RRM1: variants seen among roughly 807,000 people sequenced by gnomAD.
RRM1 encodes ribonucleoside-diphosphate reductase large subunit.
In RRM1, 19 loss-of-function variants were observed where a neutral mutation model predicts 101.5. The ratio of observed to expected loss-of-function variants is 0.19; its 90% CI spans 0.13 to 0.27. The LOEUF (loss-of-function observed/expected upper bound fraction) is 0.27. Ranked by LOEUF, RRM1 falls within the 10% of genes least tolerant of loss-of-function variation. The pLI, the probability that RRM1 is intolerant of heterozygous loss-of-function variation, is 1.00. For missense variants in RRM1, 500 were observed against 962.9 expected (o/e 0.52, Z 6.36); for synonymous variants, 298 against 323.4 (o/e 0.92, Z 0.84).
chr11:4,118,999 T>C (rs54816), intron 8 of RRM1: 72,526 of 152,158 alleles, frequency 0.48, 18,432 homozygotes, highest in Non-Finnish European at 0.58. Flanking sequence ...CACTTTATGA[T>C]GTAAACTTTA....
chr11:4,098,119 A>C (rs2094546100), intron 1 of RRM1, among the ~76,000 whole-genome samples: 2 of 152,232 alleles, frequency 1.3e-5, no homozygotes, highest in African/African-American at 4.8e-5. Flanking sequence ...AAAACTTTGG[A>C]TTGTAACTCA....
intron 3 of RRM1, 59 bp downstream of exon 3, chr11:4,106,282 A>C (rs760934947): frequency 5.0e-6 from 7 of 1,393,380 alleles, no homozygotes; most frequent in Non-Finnish European, 7.0e-6. Flanking sequence ...TAAGGGTACT[A>C]GAAATAAATC....
At chr11:4,125,113 C>G (rs2094587541) in intron 12 of RRM1, among the ~76,000 whole-genome samples, 1 of 152,040 alleles carries the variant, frequency 6.6e-6, no homozygotes, top group African/African-American at 2.4e-5. Context: ...CGAGGTTTCA[C>G]TATGTTGGCC....
At chr11:4,103,580 T>C (rs895292504) in intron 2 of RRM1, among the ~76,000 whole-genome samples, 1 of 152,048 alleles carries the variant, frequency 6.6e-6, no homozygotes, top group African/African-American at 2.4e-5. Context: ...TCGGTGCACA[T>C]CTGTAATCCC....
intron 3 of RRM1, among the ~76,000 whole-genome samples, chr11:4,106,569 A>C (rs1219306563): frequency 3.9e-5 from 6 of 152,172 alleles, no homozygotes; most frequent in Non-Finnish European, 8.8e-5. Context: ...CAACATGGCG[A>C]AACCCTTTCT....
At chr11:4,110,922 G>A (rs906536473) in intron 5 of RRM1, among the ~76,000 whole-genome samples, 1 of 152,104 alleles carries the variant, frequency 6.6e-6, no homozygotes, top group African/African-American at 2.4e-5. Flanking sequence ...TGTAACGAGT[G>A]TATATGTTGC....
intron 2 of RRM1, among the ~76,000 whole-genome samples, chr11:4,105,243 T>C (rs2094556692): frequency 6.6e-6 from 1 of 152,182 alleles, no homozygotes; most frequent in African/African-American, 2.4e-5. Context: ...TGTTCTTTGT[T>C]TGAGACAGGG....
intron 7 of RRM1, among the ~76,000 whole-genome samples, chr11:4,117,337 A>G (rs774032757): frequency 6.6e-6 from 1 of 152,242 alleles, no homozygotes; most frequent in Non-Finnish European, 1.5e-5. Context: ...GTTGTGTTCA[A>G]GAATTTTTAT....
At chr11:4,097,192 A>T (rs2094544802) in intron 1 of RRM1, among the ~76,000 whole-genome samples, 1 of 148,012 alleles carries the variant, frequency 6.8e-6, no homozygotes, top group South Asian at 2.3e-4. Context: ...AGGCTGAGGC[A>T]GGAGAATCGC....
rs1027406941 is a variant in RRM1, at chr11:4,094,919, T to C, written c.-94T>C. ...TTTCCCCTGAGCAGCGCCTGGAACC[T>C]AACCCTTCCCACTCTGTCACCTTCT... On this transcript the variant is annotated 5_prime_UTR_variant, in exon 1 of 19. Coordinates refer to ENST00000300738, the MANE Select transcript of RRM1 (RefSeq NM_001033.5). 2.9e-6 allele frequency: 4 copies of C among 1,371,580 alleles called. No individual in the cohort carries two copies. In the African/African-American group the frequency reaches 4.3e-5, roughly 15 times the overall value. 85.0% of individuals were successfully genotyped at this position (1,371,580 alleles called of 1,614,324 possible). A position where few individuals can be genotyped will look rare whatever the true frequency, so the allele number is the denominator to read the frequency against.
At chr11:4,133,517 G>T in intron 16 of RRM1, 46 bp from the exon 17 acceptor site, 1 of 1,192,124 alleles carries the variant, frequency 8.4e-7, no homozygotes, top group Non-Finnish European at 1.2e-6. Context: ...TTTCTAAGCA[G>T]TCACTGTTAT....
chr11:4,111,983 A>T lies in RRM1; in HGVS notation c.571A>T (p.Asn191Tyr). 1 of 1,614,030 alleles carries T rather than the reference A, an allele frequency of 6.2e-7. No individual in the cohort carries two copies. Among genetic ancestry groups the T allele is most frequent in the African/African-American group, 1.3e-5 (1 of 75,038 alleles). ...EDIDAAIETY[N>Y]LLSERWFTHA... ...CATTGATGCAGCAATTGAAACATAT[A>T]ATCTTCTTTCTGAGAGGTGGTTTAC... The change falls in exon 7 of 19, where the codon AAT becomes TAT. Residue 191 changes from asparagine (N) to tyrosine (Y), a missense_variant. Physicochemically the swap from Asn to Tyr is moderately radical, Grantham distance 143 (BLOSUM62 -2). Around this residue, in one of 9 missense-constraint regions of RRM1, gnomAD observed 111 missense variants for 219.8 expected, o/e 0.51. Transcript: ENST00000300738.
Position 4,127,182 on chromosome 11 carries a change from C to A in RRM1, c.1618C>A (p.Leu540Met). Residue 540 changes from leucine to methionine, a missense_variant, in exon 14 of 19, where the codon CTG becomes ATG. Leu to Met is a conservative substitution (Grantham distance 15). Around this residue, in one of 9 missense-constraint regions of RRM1, gnomAD observed 106 missense variants for 138.1 expected, o/e 0.77. Transcript: ENST00000300738. ...CTTTGAAACTATTTATTATGGTGCT[C>A]TGGAAGCCAGCTGTGACCTTGCCAA... ...QIFETIYYGA[L>M]EASCDLAKEQ... The A allele has an allele frequency of 6.2e-7, 1 of 1,613,704 alleles. No individual in the cohort carries two copies. The highest frequency in any genetic ancestry group is 8.5e-7 in the Non-Finnish European group (1 of 1,179,874).
rs1367540790 is a variant in RRM1, at chr11:4,130,100, T to A, written c.1769+950T>A. ...TATATATATATATTTTTTTTTTTTT[T>A]TTTTCCCCTCAAAATACTATGGCTT... On this transcript the variant is annotated intron_variant, in intron 15 of 18. Transcript: ENST00000300738. Among the ~76,000 whole-genome samples the A allele has an allele frequency of 2.1e-4, 11 of 52,342 alleles. 1 individual carries two copies. In the East Asian group the frequency reaches 2.3e-3, roughly 11 times the overall value. The allele number at this position is 52,342 out of a possible 152,430, so 34.3% of individuals were successfully genotyped here.
At chr11:4,099,696 G>C (rs181981313) in intron 1 of RRM1, among the ~76,000 whole-genome samples, 1 of 152,070 alleles carries the variant, frequency 6.6e-6, no homozygotes, top group African/African-American at 2.4e-5. Flanking sequence ...TGAGAGAAGA[G>C]GATAATGTAG....
At chr11:4,125,591 T>G (rs2094588238) in intron 12 of RRM1, among the ~76,000 whole-genome samples, 2 of 152,182 alleles carry the variant, frequency 1.3e-5, no homozygotes, top group African/African-American at 4.8e-5. Context: ...TCAACCATGC[T>G]CCTACCTCAG....
Position 4,132,520 on chromosome 11 carries a change from G to A in RRM1, c.1905+99G>A. 7.6e-7 allele frequency: 1 copy of A among 1,311,160 alleles called. No individual in the cohort carries two copies. The highest frequency in any genetic ancestry group is 1.1e-6 in the Non-Finnish European group (1 of 935,360). The allele number at this position is 1,311,160 out of a possible 1,614,324, so 81.2% of individuals were successfully genotyped here. On this transcript the variant is annotated intron_variant, in intron 16 of 18. Transcript: ENST00000300738. The surrounding 1 kb of genome is among the most constrained non-coding windows in gnomAD (Gnocchi z 4.1). ...TTTAATTTGCCCATTTTCTTAGTTT[G>A]GGTGCAAACTTTGATAAAGACAGTC... is the stretch of plus-strand genomic sequence containing the variant.
intron 5 of RRM1, among the ~76,000 whole-genome samples, chr11:4,111,005 T>C (rs1440543742): frequency 1.3e-5 from 2 of 151,784 alleles, no homozygotes; most frequent in African/African-American, 4.8e-5. Flanking sequence ...TGATGATGAA[T>C]ACTACAACTT....
intron 12 of RRM1, among the ~76,000 whole-genome samples, chr11:4,125,613 C>G (rs1036964943): frequency 6.6e-6 from 1 of 152,138 alleles, no homozygotes; most frequent in African/African-American, 2.4e-5. Context: ...ATTTTTGCTC[C>G]TTCTTCCCTC....
Sources: gnomAD v4.1 joint callset for allele counts (sites outside exome capture counted in the v4.1 genomes callset) on GRCh38, gnomAD v4.1.1 for gene constraint, gnomAD v4.1.1 regional missense constraint, Gnocchi (gnomAD v3.1) non-coding constraint, MANE v1.5 for transcripts, NCBI Gene and HGNC (gene_info 2026-07-23, HGNC 2026-07-21) for gene names.